Variants in USP8 observed in about 807,000 individuals in gnomAD.
USP8 encodes the protein ubiquitin specific peptidase 8, also known as ubiquitin carboxyl-terminal hydrolase 8.
A neutral mutation model predicts 130.0 loss-of-function variants in USP8; 27 were observed. The observed-to-expected ratio is 0.21, with a 90% CI of 0.15 to 0.29. The LOEUF (loss-of-function observed/expected upper bound fraction) is 0.29, where lower values mean the gene tolerates loss of function less well. Ranked by LOEUF, USP8 falls within the 10% of genes least tolerant of loss-of-function variation. The pLI is 1.00. For missense variants in USP8, 1,029 were observed against 1,312.2 expected (o/e 0.78, Z 3.33); for synonymous variants, 392 against 444.1 (o/e 0.88, Z 1.48).
chr15:50,490,617 G>A (rs1293328932), intron 14 of USP8, 92 bp downstream of exon 14: 2 of 1,477,068 alleles, frequency 1.4e-6, no homozygotes, highest in Non-Finnish European at 1.8e-6. Flanking sequence ...TCAGGGAGTT[G>A]GAAATTTCTG....
At chr15:50,447,051 AGT>A (rs1266309065) in intron 3 of USP8, among the ~76,000 whole-genome samples, 1 of 152,248 alleles carries the variant, frequency 6.6e-6, no homozygotes, top group Non-Finnish European at 1.5e-5. Context: ...GAAATTAAAA[AGT>A]GTTTAGAATG....
intron 1 of USP8, among the ~76,000 whole-genome samples, chr15:50,437,464 A>G (rs2050125298): frequency 1.3e-5 from 2 of 152,204 alleles, no homozygotes; most frequent in South Asian, 4.1e-4. Context: ...TTCATTCAAC[A>G]TTGCGGGGGA....
At chr15:50,464,690 C>G (rs1209216567) in intron 6 of USP8, among the ~76,000 whole-genome samples, 2 of 152,130 alleles carry the variant, frequency 1.3e-5, no homozygotes, top group African/African-American at 4.8e-5. Flanking sequence ...AACCCCATCT[C>G]TACTAAAAAT....
rs554796939 is a variant in USP8, at chr15:50,430,823, C to T, written c.-66+6309C>T. Among the ~76,000 whole-genome samples, 10 of 152,298 alleles carry T rather than the reference C, an allele frequency of 6.6e-5. No individual in the cohort carries two copies. The East Asian group carries it at 1.7e-3, about 26-fold the overall frequency. On this transcript the variant is annotated intron_variant, in intron 1 of 19. Transcript: ENST00000307179. ...GGCATACACTCAACATTTTCCACAT[C>T]GAATTACCTACTTTGCTGTAAACCA...
intron 11 of USP8, among the ~76,000 whole-genome samples, chr15:50,483,158 C>A (rs1170695389): frequency 6.6e-6 from 1 of 152,172 alleles, no homozygotes; most frequent in South Asian, 2.1e-4. Flanking sequence ...TAATGATAAC[C>A]CCATAAGGTA....
In USP8 at chr15:50,509,661, A is replaced by G. The variant is rs1283956042; in HGVS notation, c.*10573A>G. 6.6e-6 allele frequency: 1 copy of G among 152,178 alleles called. No homozygotes were observed. The highest frequency in any genetic ancestry group is 2.4e-5 in the African/African-American group (1 of 41,444). The allele number at this position is 152,178 out of a possible 1,614,324, so 9.4% of individuals were successfully genotyped here. On this transcript the variant is annotated 3_prime_UTR_variant, in exon 20 of 20. Coordinates refer to ENST00000307179, the MANE Select transcript of USP8 (RefSeq NM_005154.5). ...AGACTGCGTCTCAAAAAATAAAATA[A>G]AATAAAATAAAATAAAAAAGAGACA...
chr15:50,428,202 C>G (rs150009115), intron 1 of USP8, among the ~76,000 whole-genome samples: 2 of 151,648 alleles, frequency 1.3e-5, no homozygotes, highest in East Asian at 3.9e-4. Flanking sequence ...CTGCACCCTC[C>G]GTCTGATGGG....
chr15:50,469,621 T>C (rs2051309017), intron 7 of USP8, among the ~76,000 whole-genome samples: 1 of 152,162 alleles, frequency 6.6e-6, no homozygotes, highest in Non-Finnish European at 1.5e-5. Flanking sequence ...GTAACCAACA[T>C]TATTATATAG....
At chr15:50,429,902 G>A (rs2049874867) in intron 1 of USP8, among the ~76,000 whole-genome samples, 1 of 152,094 alleles carries the variant, frequency 6.6e-6, no homozygotes, top group South Asian at 2.1e-4. Flanking sequence ...TGAGGTAGAA[G>A]ACAAAAGAAA....
intron 12 of USP8, among the ~76,000 whole-genome samples, chr15:50,488,825 G>A (rs564289335): frequency 1.3e-5 from 2 of 151,378 alleles, no homozygotes; most frequent in East Asian, 1.9e-4. Context: ...CACCTGCCTC[G>A]GCCTCCCAAA....
intron 3 of USP8, among the ~76,000 whole-genome samples, chr15:50,445,240 A>C (rs1437858173): frequency 6.6e-6 from 1 of 151,712 alleles, no homozygotes; most frequent in Non-Finnish European, 1.5e-5. Context: ...CTCTTATTTT[A>C]TACTAGAAAA....
Position 50,484,484 on chromosome 15 carries a change from A to G in USP8, c.1890+123A>G, listed in dbSNP as rs1026028623. ...TCTACAGTGTAAGGGGATCGTTGCC[A>G]TCTTTGGTAGCTGGTGTTTTGCTTG... On this transcript the variant is annotated intron_variant, in intron 12 of 19. Coordinates refer to ENST00000307179, the MANE Select transcript of USP8 (RefSeq NM_005154.5). 12 of 728,008 alleles carry G rather than the reference A, an allele frequency of 1.6e-5. No individual in the cohort carries two copies. The African/African-American group carries it at 2.1e-4, about 13-fold the overall frequency. The allele number at this position is 728,008 out of a possible 1,614,324, so 45.1% of individuals were successfully genotyped here.
Position 50,429,304 on chromosome 15 carries a change from GTT to G in USP8, c.-66+4806_-66+4807del, listed in dbSNP as rs34348433. 7.2e-4 allele frequency among the ~76,000 whole-genome samples: 87 copies of G among 120,956 alleles called. No homozygotes were observed. The East Asian group carries it at 0.012, about 16-fold the overall frequency. 79.4% of individuals were successfully genotyped at this position (120,956 alleles called of 152,430 possible). On this transcript the variant is annotated intron_variant, in intron 1 of 19. Transcript: ENST00000307179. ...TTATGGGCATAAGCATCCTGGAGGTGTTTTTTTTTTTTTTTTTGGAGGTGTTA... is the reference window on the plus strand; with the variant it reads ...TTATGGGCATAAGCATCCTGGAGGTGTTTTTTTTTTTTTTTGGAGGTGTTA...
chr15:50,437,778 C>A (rs890403657), intron 1 of USP8, among the ~76,000 whole-genome samples: 1 of 152,230 alleles, frequency 6.6e-6, no homozygotes, highest in Non-Finnish European at 1.5e-5. Context: ...TATTTGATAT[C>A]AGTTGATCCA....
At chr15:50,428,935 A>G (rs189677508) in intron 1 of USP8, among the ~76,000 whole-genome samples, 2 of 152,368 alleles carry the variant, frequency 1.3e-5, no homozygotes, top group East Asian at 3.8e-4. Flanking sequence ...TAATACTGCT[A>G]TAGTCAGTCT....
intron 7 of USP8, among the ~76,000 whole-genome samples, chr15:50,468,709 C>T (rs2051280260): frequency 6.6e-6 from 1 of 152,108 alleles, no homozygotes; most frequent in Non-Finnish European, 1.5e-5. Flanking sequence ...CTCTTACACT[C>T]CCCCCTCAAG....
chr15:50,467,607 G>A (rs2051234177), intron 7 of USP8, among the ~76,000 whole-genome samples: 1 of 152,010 alleles, frequency 6.6e-6, no homozygotes, highest in Non-Finnish European at 1.5e-5. Flanking sequence ...CTGGGTTGGA[G>A]TGCAGTGGCA....
chr15:50,426,889 T>C (rs772127627), intron 1 of USP8: 5 of 152,172 alleles, frequency 3.3e-5, no homozygotes, highest in African/African-American at 7.2e-5. Context: ...ATTGGACTCT[T>C]GTTTGCATTT....
chr15:50,481,276 G>A (rs182623417), intron 10 of USP8, among the ~76,000 whole-genome samples: 65 of 152,252 alleles, frequency 4.3e-4, no homozygotes, highest in Non-Finnish European at 2.1e-4. Flanking sequence ...TGAATCAAGA[G>A]GATGTAAGTT....
Sources: gnomAD v4.1 joint callset for allele counts (sites outside exome capture counted in the v4.1 genomes callset) on GRCh38, gnomAD v4.1.1 for gene constraint, MANE v1.5 for transcripts, NCBI Gene and HGNC (gene_info 2026-07-23, HGNC 2026-07-21) for gene names.